Variants in TEX52 observed in about 807,000 individuals in gnomAD.
TEX52 encodes testis-expressed protein 52.
A neutral mutation model predicts 17.6 loss-of-function variants in TEX52; 22 were observed. The ratio of observed to expected loss-of-function variants is 1.25; its 90% confidence interval spans 0.89 to 1.78. The LOEUF is 1.78. Among genes scored for constraint, TEX52 ranks in the 40% most tolerant of loss-of-function variants. The probability of loss-of-function intolerance (pLI) is 0.00; values close to 1 mark genes in which losing one functional copy is unlikely to be tolerated. For synonymous variants in TEX52, 168 were observed against 147.4 expected (o/e 1.14, Z -1.01); for missense variants, 396 against 372.3 (o/e 1.06, Z -0.52).
chr12:2,855,006 G>GA lies in TEX52; in HGVS notation c.512dup (p.Arg172GlnfsTer17). On this transcript the variant is annotated frameshift_variant, in exon 2 of 3. Transcript: ENST00000637658. LOFTEE classifies it high-confidence loss of function. Reference sequence around the variant, plus strand: ...CCTCCTTCAACTCCTTCACTGTCCTGAAAATCACCTGCTTCTTCCTTTTCA... The same window carrying GA: ...CCTCCTTCAACTCCTTCACTGTCCTGAAAAATCACCTGCTTCTTCCTTTTCA... 6.5e-7 allele frequency: 1 copy of GA among 1,536,202 alleles called. No homozygotes were observed.
chr12:2,853,914 C>A (rs1195792355), intron 2 of TEX52, among the ~76,000 whole-genome samples: 1 of 152,198 alleles, frequency 6.6e-6, no homozygotes, highest in East Asian at 1.9e-4. Context: ...GGCTTTCCAC[C>A]CTTCCAGCCT....
At chr12:2,856,312 CTGCAACAAAAATG>C (rs1368068931) in intron 1 of TEX52, among the ~76,000 whole-genome samples, 3 of 152,164 alleles carry the variant, frequency 2.0e-5, no homozygotes, top group Non-Finnish European at 4.4e-5. Flanking sequence ...CAGTGCCTGA[CTGCAACAAAAATG>C]TGCCTCTTTT....
chr12:2,855,377 C>T lies in TEX52; in HGVS notation c.142G>A (p.Glu48Lys), dbSNP rs536800791. 2.6e-4 allele frequency: 326 copies of T among 1,254,860 alleles called. No homozygotes were observed. The highest frequency in any genetic ancestry group is 1.2e-3 in the East Asian group (19 of 16,434). The allele number at this position is 1,254,860 out of a possible 1,614,324, so 77.7% of individuals were successfully genotyped here. ...GTGAAGCCAGGGAACTCCCAGGACT[C>T]GCTGGGGAGGAAGAACTCACGCTGA... ...WAQREFFLPS[E>K]SWEFPGFTRQ... Residue 48 changes from glutamate to lysine, a missense_variant, in exon 2 of 3, where the codon GAG becomes AAG. Transcript: ENST00000637658.
intron 2 of TEX52, among the ~76,000 whole-genome samples, chr12:2,854,085 GCAC>G (rs2098079777): frequency 6.6e-6 from 1 of 152,164 alleles, no homozygotes; most frequent in Non-Finnish European, 1.5e-5. Flanking sequence ...GAGTGCAATG[GCAC>G]CATCTTGGCT....
In TEX52 at chr12:2,855,181, T is replaced by C. The variant is rs2098083455; in HGVS notation, c.338A>G (p.Asp113Gly). The change falls in exon 2 of 3, where the codon GAC becomes GGC. Residue 113 changes from aspartate to glycine, a missense_variant. By Grantham distance (94) the Asp-to-Gly change is moderately conservative (BLOSUM62 -1). Transcript: ENST00000637658. ...CCAGACATTGCTATCGTAGGGCCTGTCAGGCTGGGTGGGGAAGGTGGCAGG... is the reference window on the plus strand; with the variant it reads ...CCAGACATTGCTATCGTAGGGCCTGCCAGGCTGGGTGGGGAAGGTGGCAGG... ...RLPATFPTQP[D>G]RPYDSNVWRW... 8.0e-6 allele frequency: 12 copies of C among 1,506,254 alleles called. No homozygotes were observed. The highest frequency in any genetic ancestry group is 9.7e-6 in the Non-Finnish European group (11 of 1,128,680). The allele number at this position is 1,506,254 out of a possible 1,614,324, so 93.3% of individuals were successfully genotyped here. A position where few individuals can be genotyped will look rare whatever the true frequency, so the allele number is the denominator to read the frequency against.
chr12:2,851,096 GGCAGTGA>G (rs1293251234), intron 2 of TEX52, among the ~76,000 whole-genome samples: 3 of 149,996 alleles, frequency 2.0e-5, no homozygotes, highest in Non-Finnish European at 3.0e-5. Context: ...GAACCCAGGA[GGCAGTGA>G]GCAGTGCCGA....
chr12:2,848,497 C>T (rs910018832), downstream of TEX52, among the ~76,000 whole-genome samples: 1 of 152,208 alleles, frequency 6.6e-6, no homozygotes, highest in Admixed American at 6.5e-5. Context: ...ACCCTTCCCC[C>T]ACAGGTATCC....
At chr12:2,856,275 G>T (rs1257174985) in intron 1 of TEX52, among the ~76,000 whole-genome samples, 1 of 152,146 alleles carries the variant, frequency 6.6e-6, no homozygotes, top group East Asian at 1.9e-4. Context: ...TACCATGCTG[G>T]GTGAAATGAA....
intron 1 of TEX52, 95 bp downstream of exon 1, chr12:2,856,860 C>A: frequency 1.4e-6 from 1 of 691,040 alleles, no homozygotes; most frequent in Non-Finnish European, 2.6e-6. Context: ...GCCAGGCAGT[C>A]TGCTGCCCAG....
intron 2 of TEX52, among the ~76,000 whole-genome samples, chr12:2,852,868 G>A (rs751880484): frequency 8.6e-5 from 13 of 152,014 alleles, no homozygotes; most frequent in Non-Finnish European, 4.4e-5. Context: ...GCATGGTGAC[G>A]GGAGCCTGTA....
At chr12:2,853,607 G>GTTTTTT (rs569055360) in intron 2 of TEX52, among the ~76,000 whole-genome samples, 1 of 145,414 alleles carries the variant, frequency 6.9e-6, no homozygotes, top group Non-Finnish European at 1.5e-5. Flanking sequence ...TTTTGTTTTT[G>GTTTTTT]TTTTTGTTTT....
intron 2 of TEX52, among the ~76,000 whole-genome samples, chr12:2,853,236 C>T (rs1449938476): frequency 6.6e-6 from 1 of 152,004 alleles, no homozygotes; most frequent in Non-Finnish European, 1.5e-5. Flanking sequence ...GCCTGGGTCC[C>T]CACAAAGGAG....
At chr12:2,855,507 G>A in intron 1 of TEX52, 61 bp from the exon 2 acceptor site, 2 of 1,291,440 alleles carry the variant, frequency 1.5e-6, no homozygotes, top group Middle Eastern at 2.9e-4. Context: ...AGAAAGGTGG[G>A]TGAGGCACTC....
chr12:2,850,902 C>A (rs1425645473), intron 2 of TEX52, among the ~76,000 whole-genome samples: 1 of 151,710 alleles, frequency 6.6e-6, no homozygotes, highest in Non-Finnish European at 1.5e-5. Context: ...GAACTCTTGA[C>A]CTCAAGTGAT....
In TEX52 at chr12:2,854,905, C is replaced by T. The variant is rs966929945; in HGVS notation, c.614G>A (p.Ser205Asn). The change falls in exon 2 of 3, where the codon AGC (serine) becomes AAC (asparagine). Residue 205 changes from serine to asparagine, a missense_variant. Transcript: ENST00000637658. ...GGAGGCACCGTCTTACTTCTTGAAGCTCGCTGGCGGCTGGATGTTGCCCTG... is the reference window on the plus strand; with the variant it reads ...GGAGGCACCGTCTTACTTCTTGAAGTTCGCTGGCGGCTGGATGTTGCCCTG... Reference protein sequence around the residue: ...DAQGNIQPPASFKKYRHISAG... With the variant: ...DAQGNIQPPANFKKYRHISAG... 2.6e-6 allele frequency: 4 copies of T among 1,533,992 alleles called. No individual in the cohort carries two copies. Among genetic ancestry groups the T allele is most frequent in the Admixed American group, 3.9e-5 (2 of 50,886 alleles).
rs1173530068 is a variant in TEX52, at chr12:2,855,107, G to A, written c.412C>T (p.Pro138Ser). The change falls in exon 2 of 3, where the codon CCC becomes TCC. Residue 138 changes from proline (P) to serine (S), a missense_variant. Coordinates refer to ENST00000637658, the MANE Select transcript of TEX52 (RefSeq NM_001365174.2). ...NAHRCPPTEH[P>S]IPPPSWMGQN... is the part of the protein sequence containing the mutation. ...CCCATCCAGGAGGGAGGGGGGATGGGGTGCTCCGTGGGGGGGCATCTGTGG... is the reference window on the plus strand; with the variant it reads ...CCCATCCAGGAGGGAGGGGGGATGGAGTGCTCCGTGGGGGGGCATCTGTGG... 2 of 1,535,464 alleles carry A rather than the reference G, an allele frequency of 1.3e-6. No individual in the cohort carries two copies. The highest frequency in any genetic ancestry group is 3.9e-5 in the Admixed American group (2 of 50,968).
rs1256643120 is a variant in TEX52, at chr12:2,855,522, C to G, written c.73-76G>C. On this transcript the variant is annotated intron_variant, in intron 1 of 2. Transcript: ENST00000637658. The stretch of plus-strand genomic sequence containing the variant: ...AGAAAGGTGGGTGAGGCACTCCGCT[C>G]TCCTTCCCAGGCACGACCTCTGCCA... 7 of 1,175,598 alleles carry G rather than the reference C, an allele frequency of 6.0e-6. No individual in the cohort carries two copies. In the East Asian group the frequency reaches 1.9e-4, roughly 33 times the overall value. 72.8% of individuals were successfully genotyped at this position (1,175,598 alleles called of 1,614,324 possible). A position where few individuals can be genotyped will look rare whatever the true frequency, so the allele number is the denominator to read the frequency against.
intron 2 of TEX52, among the ~76,000 whole-genome samples, chr12:2,853,713 TC>T (rs1247827842): frequency 6.6e-6 from 1 of 152,134 alleles, no homozygotes; most frequent in African/African-American, 2.4e-5. Flanking sequence ...TTCATTGCCT[TC>T]CCCCTTTCTT....
intron 2 of TEX52, among the ~76,000 whole-genome samples, chr12:2,850,003 A>G (rs1201629978): frequency 6.6e-6 from 1 of 152,108 alleles, no homozygotes; most frequent in Non-Finnish European, 1.5e-5. Context: ...GACTCAGCGC[A>G]CTTTGCCCCT....
Sources: gnomAD v4.1 joint callset for allele counts (sites outside exome capture counted in the v4.1 genomes callset) on GRCh38, gnomAD v4.1.1 for gene constraint, MANE v1.5 for transcripts, NCBI Gene and HGNC (gene_info 2026-07-23, HGNC 2026-07-21) for gene names.